TSHZ2: variants seen among roughly 807,000 people sequenced by gnomAD.
TSHZ2 encodes teashirt homolog 2.
In TSHZ2, 21 loss-of-function variants were observed where a neutral mutation model predicts 74.4. That is an observed-to-expected ratio of 0.28 (90% CI 0.20 to 0.41). The LOEUF (loss-of-function observed/expected upper bound fraction) is 0.41, where lower values mean the gene tolerates loss of function less well. Among genes scored for constraint, TSHZ2 ranks in the 10% least tolerant of loss-of-function variants. The pLI is 1.00. For missense variants in TSHZ2, 1,244 were observed against 1,293.5 expected (o/e 0.96, Z 0.59); for synonymous variants, 540 against 515.3 (o/e 1.05, Z -0.65).
At chr20:53,415,278 G>T (rs958863690) in intron 2 of TSHZ2, among the ~76,000 whole-genome samples, 7 of 152,188 alleles carry the variant, frequency 4.6e-5, no homozygotes, top group African/African-American at 1.7e-4. Context: ...CATCTTTGTA[G>T]TCTAATGAAT....
chr20:53,404,646 C>T (rs1982778756), intron 2 of TSHZ2, among the ~76,000 whole-genome samples: 1 of 152,240 alleles, frequency 6.6e-6, no homozygotes, highest in Admixed American at 6.5e-5. Flanking sequence ...TCTTTAAATC[C>T]TCAGGGCCCT....
chr20:53,171,052 C>T (rs558540030), intron 1 of TSHZ2, among the ~76,000 whole-genome samples: 3 of 151,602 alleles, frequency 2.0e-5, no homozygotes, highest in South Asian at 2.1e-4. Context: ...ATTTAGACAT[C>T]GAGTTTCATC....
At chr20:53,433,772 T>G (rs916845559) in intron 2 of TSHZ2, among the ~76,000 whole-genome samples, 16 of 152,224 alleles carry the variant, frequency 1.1e-4, no homozygotes, top group African/African-American at 3.9e-4. Context: ...AACCAGCAAT[T>G]GACTGGAAAT....
intron 1 of TSHZ2, among the ~76,000 whole-genome samples, chr20:53,063,244 T>C (rs1006602058): frequency 2.1e-4 from 32 of 152,126 alleles, no homozygotes; most frequent in Non-Finnish European, 4.0e-4. Flanking sequence ...GTTCAAGCTT[T>C]TTACAAATTG....
chr20:53,197,994 G>T (rs963641572), intron 1 of TSHZ2, among the ~76,000 whole-genome samples: 1 of 152,080 alleles, frequency 6.6e-6, no homozygotes, highest in Admixed American at 6.5e-5. Context: ...TTCTTCCATG[G>T]TTCCGTAAAG....
At chr20:53,107,208 C>A (rs906702710) in intron 1 of TSHZ2, among the ~76,000 whole-genome samples, 2 of 152,164 alleles carry the variant, frequency 1.3e-5, no homozygotes, top group African/African-American at 4.8e-5. Flanking sequence ...GGTTCTTTGG[C>A]AGAAGGCTTC....
intron 1 of TSHZ2, among the ~76,000 whole-genome samples, chr20:53,102,545 G>A (rs564371814): frequency 4.2e-4 from 64 of 152,194 alleles, no homozygotes; most frequent in African/African-American, 1.5e-3. Context: ...TAATAAGACC[G>A]TAAAGAGTGA....
At chr20:53,103,062 C>T (rs6013630) in intron 1 of TSHZ2, among the ~76,000 whole-genome samples, 17,846 of 151,896 alleles carry the variant, frequency 0.12, 1,100 homozygotes, top group African/African-American at 0.13. Flanking sequence ...TATGAGCGCA[C>T]GTGTACTGGG....
rs59162370 is a variant in TSHZ2 at position 53,433,584 on chromosome 20, GACACAC to G, written c.*9-53526_*9-53521del. Reference sequence around the variant, plus strand: ...ACCAACACAGACACACAGACACACAGACACACACACACACACACACACACACACACA... The same window carrying G: ...ACCAACACAGACACACAGACACACAGACACACACACACACACACACACACA... On this transcript the variant is annotated intron_variant, in intron 2 of 2. Coordinates refer to ENST00000371497, the MANE Select transcript of TSHZ2 (RefSeq NM_173485.6). Among the ~76,000 whole-genome samples the G allele has an allele frequency of 3.8e-3, 526 of 137,144 alleles. 1 individual carries two copies. The highest frequency in any genetic ancestry group is 9.1e-3 in the East Asian group (43 of 4,700). The allele number at this position is 137,144 out of a possible 152,430, so 90.0% of individuals were successfully genotyped here. A position where few individuals can be genotyped will look rare whatever the true frequency, so the allele number is the denominator to read the frequency against.
intron 1 of TSHZ2, among the ~76,000 whole-genome samples, chr20:53,250,511 C>T (rs544476364): frequency 6.6e-6 from 1 of 152,076 alleles, no homozygotes; most frequent in South Asian, 2.1e-4. Context: ...TCCTTGGAAC[C>T]CTCAGCCATT....
At chr20:53,102,222 C>T (rs962584763) in intron 1 of TSHZ2, among the ~76,000 whole-genome samples, 3 of 148,944 alleles carry the variant, frequency 2.0e-5, no homozygotes, top group African/African-American at 7.5e-5. Flanking sequence ...CATCAGATTT[C>T]CCCCAACCTG....
At chr20:53,250,732 C>T (rs997406332) in intron 1 of TSHZ2, among the ~76,000 whole-genome samples, 3 of 151,004 alleles carry the variant, frequency 2.0e-5, no homozygotes, top group Admixed American at 6.6e-5. Context: ...GTGGGGGAGG[C>T]GTTTGCTGTC....
chr20:53,275,717 C>T (rs749162337), intron 2 of TSHZ2, among the ~76,000 whole-genome samples: 3 of 152,102 alleles, frequency 2.0e-5, no homozygotes, highest in Admixed American at 6.5e-5. Context: ...CACCTGAGGT[C>T]GGGAGTTCAA....
At chr20:53,163,978 T>C (rs892670514) in intron 1 of TSHZ2, among the ~76,000 whole-genome samples, 1 of 152,258 alleles carries the variant, frequency 6.6e-6, no homozygotes, top group African/African-American at 2.4e-5. Context: ...GGTTATATTA[T>C]ATTGTAATAA....
chr20:53,147,626 A>G (rs940964667), intron 1 of TSHZ2, among the ~76,000 whole-genome samples: 2 of 152,232 alleles, frequency 1.3e-5, no homozygotes, highest in Non-Finnish European at 2.9e-5. Flanking sequence ...GTGTGAGACT[A>G]AGATTTCTTT....
At chr20:53,204,727 T>C (rs570217594) in intron 1 of TSHZ2, among the ~76,000 whole-genome samples, 1 of 152,256 alleles carries the variant, frequency 6.6e-6, no homozygotes, top group East Asian at 1.9e-4. Context: ...AATAACTCTT[T>C]GAAGCTATAA....
intron 1 of TSHZ2, among the ~76,000 whole-genome samples, chr20:53,231,413 T>C (rs1479990266): frequency 2.0e-5 from 3 of 152,182 alleles, no homozygotes; most frequent in African/African-American, 7.2e-5. Context: ...TTCTCTTAGG[T>C]TATCTACAAA....
chr20:53,429,382 G>T (rs533178827), intron 2 of TSHZ2, among the ~76,000 whole-genome samples: 1 of 152,192 alleles, frequency 6.6e-6, no homozygotes, highest in Non-Finnish European at 1.5e-5. Flanking sequence ...GAATTCCCAC[G>T]TGTTGTGGGG....
At chr20:53,137,214 A>G (rs1357653909) in intron 1 of TSHZ2, among the ~76,000 whole-genome samples, 1 of 152,180 alleles carries the variant, frequency 6.6e-6, no homozygotes. Flanking sequence ...AAATACCAAG[A>G]AAACTGCTAA....
Sources: gnomAD v4.1 joint callset for allele counts (sites outside exome capture counted in the v4.1 genomes callset) on GRCh38, gnomAD v4.1.1 for gene constraint, MANE v1.5 for transcripts, NCBI Gene and HGNC (gene_info 2026-07-23, HGNC 2026-07-21) for gene names.